The following DPP9 variants were observed in gnomAD, a reference collection of about 807,000 sequenced individuals.
DPP9 encodes the protein dipeptidyl peptidase 9, also known as dipeptidyl peptidase IV-related protein-2.
A neutral mutation model predicts 110.7 loss-of-function variants in DPP9; 50 were observed. That is an observed-to-expected ratio of 0.45 (90% CI 0.36 to 0.57). The LOEUF (loss-of-function observed/expected upper bound fraction) is 0.57, where lower values mean the gene tolerates loss of function less well. DPP9 is among the 20% of genes least tolerant of loss of function. DPP9 has a pLI of 0.00. For missense variants in DPP9, 1,022 were observed against 1,217.9 expected (o/e 0.84, Z 2.39); for synonymous variants, 561 against 514.4 (o/e 1.09, Z -1.23).
In DPP9 at chr19:4,675,572, T is replaced by C. The variant is rs2088756773; in HGVS notation, c.*992A>G. ...AGCGTGGAAGTTCGGTGCGTTTCAG[T>C]GCCTGCCTGAAAGCTTGGGGACAGG... On this transcript the variant is annotated 3_prime_UTR_variant, in exon 22 of 22. Transcript: ENST00000262960. 6.6e-6 allele frequency: 1 copy of C among 152,064 alleles called. No individual in the cohort carries two copies. Among genetic ancestry groups the C allele is most frequent in the Non-Finnish European group, 1.5e-5 (1 of 68,020 alleles). The allele number at this position is 152,064 out of a possible 1,614,324, so 9.4% of individuals were successfully genotyped here. A position where few individuals can be genotyped will look rare whatever the true frequency, so the allele number is the denominator to read the frequency against.
intron 4 of DPP9, among the ~76,000 whole-genome samples, chr19:4,708,948 C>G (rs1048143558): frequency 2.0e-5 from 3 of 152,186 alleles, no homozygotes; most frequent in African/African-American, 7.2e-5. Context: ...GAGAGAGTCT[C>G]GCACTGTCAC....
At position 4,676,897 on chromosome 19, in the gene DPP9, C is replaced by T. The variant is rs982237166; in HGVS notation, c.2587-241G>A. ...ATTTGGTAAGACAAAGTTTACAAAACGCCTTGCGGTGTGCACGCGCTTGCA... is the reference window on the plus strand; with the variant it reads ...ATTTGGTAAGACAAAGTTTACAAAATGCCTTGCGGTGTGCACGCGCTTGCA... On this transcript the variant is annotated intron_variant, in intron 21 of 21. Transcript: ENST00000262960. The surrounding 1 kb of genome is among the most constrained non-coding windows in gnomAD (Gnocchi z 4.0). 1.3e-5 allele frequency among the ~76,000 whole-genome samples: 2 copies of T among 152,210 alleles called. No homozygotes were observed. The highest frequency in any genetic ancestry group is 2.4e-5 in the African/African-American group (1 of 41,448).
Position 4,694,735 on chromosome 19 carries a change from C to T in DPP9, c.1442G>A (p.Cys481Tyr). 1 of 1,613,774 alleles carries T rather than the reference C, an allele frequency of 6.2e-7. No homozygotes were observed. Among genetic ancestry groups the T allele is most frequent in the Non-Finnish European group, 8.5e-7 (1 of 1,179,816 alleles). The change falls in exon 13 of 22, where the codon TGC becomes TAC. Residue 481 changes from cysteine (C) to tyrosine (Y), a missense_variant. By Grantham distance (194) the Cys-to-Tyr change is radical. Around this residue, in one of 3 missense-constraint regions of DPP9, gnomAD observed 810 missense variants for 920.6 expected, o/e 0.88. Transcript: ENST00000262960. This position sits in a 1 kb window ranked among gnomAD's most constrained non-coding sequence, Gnocchi z 4.0. The stretch of plus-strand genomic sequence containing the variant: ...AACGGCGGTGACTTTGTACAAATGG[C>T]AGAAGCCGGTCTTGCATTCATTGGC... The part of the protein sequence containing the change: ...LRANECKTGF[C>Y]HLYKVTAVLK...
rs2088753456 is a variant in DPP9, at chr19:4,675,547, A to T, written c.*1017T>A. On this transcript the variant is annotated 3_prime_UTR_variant, in exon 22 of 22. Coordinates refer to ENST00000262960, the MANE Select transcript of DPP9 (RefSeq NM_139159.5). ...GGGGACAGCCGCCACTGACCAGCAG[A>T]GCGTGGAAGTTCGGTGCGTTTCAGT... 6.6e-6 allele frequency: 1 copy of T among 152,042 alleles called. No homozygotes were observed. The highest frequency in any genetic ancestry group is 1.5e-5 in the Non-Finnish European group (1 of 68,030). 9.4% of individuals were successfully genotyped at this position (152,042 alleles called of 1,614,324 possible). A position where few individuals can be genotyped will look rare whatever the true frequency, so the allele number is the denominator to read the frequency against.
At position 4,684,334 on chromosome 19, in the gene DPP9, G is replaced by A. The variant is rs557147248; in HGVS notation, c.2178+329C>T. ...TGGACCTCCCAGCCTCCAGAACTGT[G>A]AGAGATTTTCGTTCTTTATAAATCC... On this transcript the variant is annotated intron_variant, in intron 18 of 21. Coordinates refer to ENST00000262960, the MANE Select transcript of DPP9 (RefSeq NM_139159.5). The surrounding 1 kb of genome is among the most constrained non-coding windows in gnomAD (Gnocchi z 4.8). 5.2e-5 allele frequency: 18 copies of A among 345,870 alleles called. No homozygotes were observed. Among genetic ancestry groups the A allele is most frequent in the Middle Eastern group, 9.7e-4 (1 of 1,034 alleles). 21.4% of individuals were successfully genotyped at this position (345,870 alleles called of 1,614,324 possible).
At position 4,683,554 on chromosome 19, in the gene DPP9, G is replaced by A. The variant is rs1199678192; in HGVS notation, c.2254C>T (p.Arg752Ter). ...TAGGACCAGCCATGGATGGCAACTC[G>A]GCTCAGGTCGATGAAGCCATACTTC... The part of the protein sequence containing the change: ...AEKYGFIDLS[R>*]VAIHGWSYGG... The change falls in exon 19 of 22, where the codon CGA becomes TGA. Residue 752 changes from arginine to a stop codon, truncating the protein, a stop_gained. Coordinates refer to ENST00000262960, the MANE Select transcript of DPP9 (RefSeq NM_139159.5). LOFTEE classifies it high-confidence loss of function. The A allele has an allele frequency of 1.9e-6, 3 of 1,613,454 alleles. No homozygotes were observed. Among genetic ancestry groups the A allele is most frequent in the South Asian group, 1.1e-5 (1 of 91,092 alleles).
chr19:4,722,063 A>C (rs766381586), intron 2 of DPP9: 65 of 165,024 alleles, frequency 3.9e-4, no homozygotes, highest in Non-Finnish European at 1.2e-4. Context: ...TACAGCTTTT[A>C]ACACAGTGTC....
At position 4,695,112 on chromosome 19, in the gene DPP9, C is replaced by T; in HGVS notation, c.1353+266G>A. 1 of 584,576 alleles carries T rather than the reference C, an allele frequency of 1.7e-6. No homozygotes were observed. Among genetic ancestry groups the T allele is most frequent in the South Asian group, 2.2e-5 (1 of 46,404 alleles). The allele number at this position is 584,576 out of a possible 1,614,324, so 36.2% of individuals were successfully genotyped here. A position where few individuals can be genotyped will look rare whatever the true frequency, so the allele number is the denominator to read the frequency against. On this transcript the variant is annotated intron_variant, in intron 12 of 21. Transcript: ENST00000262960. This position sits in a 1 kb window ranked among gnomAD's most constrained non-coding sequence, Gnocchi z 4.7. ...GCTGCAGTGAGCTATGACCACACCA[C>T]TGCACTCTAGTCTGGGCAACAGAGC...
chr19:4,714,213 C>A lies in DPP9; in HGVS notation c.181G>T (p.Asp61Tyr), dbSNP rs756811923. 6.2e-7 allele frequency: 1 copy of A among 1,605,130 alleles called. No individual in the cohort carries two copies. The highest frequency in any genetic ancestry group is 8.5e-7 in the Non-Finnish European group (1 of 1,176,334). ...CCGTGGATGATGCTCCGGAGCCCGT[C>A]CCACGAGTGCTTCTGCACCTGGAAG... ...ARFQVQKHSW[D>Y]GLRSIIHGSR... Residue 61 changes from aspartate to tyrosine, a missense_variant, in exon 4 of 22, where the codon GAC (aspartate) becomes TAC (tyrosine). Physicochemically the swap from Asp to Tyr is radical, Grantham distance 160. Around this residue, in one of 3 missense-constraint regions of DPP9, gnomAD observed 810 missense variants for 920.6 expected, o/e 0.88. Transcript: ENST00000262960.
Position 4,676,788 on chromosome 19 carries a change from T to C in DPP9, c.2587-132A>G. ...TGAGGCCCAGTGATCTGGGTTTGAA[T>C]CCCACCTCGGCTGTTGACTTGCAGT... On this transcript the variant is annotated intron_variant, in intron 21 of 21. Transcript: ENST00000262960. This position sits in a 1 kb window ranked among gnomAD's most constrained non-coding sequence, Gnocchi z 4.0. 1 of 712,682 alleles carries C rather than the reference T, an allele frequency of 1.4e-6. No homozygotes were observed. The highest frequency in any genetic ancestry group is 2.5e-6 in the Non-Finnish European group (1 of 407,980). 44.1% of individuals were successfully genotyped at this position (712,682 alleles called of 1,614,324 possible).
rs1489701812 is a variant in DPP9, at chr19:4,682,965, G to A, written c.2332-127C>T. ...CGTGAGGAGCGCTCATGCACATGGG[G>A]CCGGCAAGGAAGGGGCCCTCAGACC... is the stretch of plus-strand genomic sequence containing the variant. On this transcript the variant is annotated intron_variant, in intron 19 of 21. Coordinates refer to ENST00000262960, the MANE Select transcript of DPP9 (RefSeq NM_139159.5). This position sits in a 1 kb window ranked among gnomAD's most constrained non-coding sequence, Gnocchi z 7.1. The A allele has an allele frequency of 6.5e-7, 1 of 1,533,568 alleles. No homozygotes were observed. The highest frequency in any genetic ancestry group is 8.7e-7 in the Non-Finnish European group (1 of 1,145,984). The allele number at this position is 1,533,568 out of a possible 1,614,324, so 95.0% of individuals were successfully genotyped here. A position where few individuals can be genotyped will look rare whatever the true frequency, so the allele number is the denominator to read the frequency against.
At chr19:4,686,247 C>T (rs1359723307) in intron 16 of DPP9, among the ~76,000 whole-genome samples, 3 of 151,952 alleles carry the variant, frequency 2.0e-5, no homozygotes, top group Non-Finnish European at 4.4e-5. Context: ...CGGCACCACG[C>T]CCGGCTAATG....
intron 4 of DPP9, among the ~76,000 whole-genome samples, chr19:4,712,445 AG>A (rs1181241241): frequency 3.3e-5 from 5 of 151,978 alleles, no homozygotes; most frequent in Non-Finnish European, 1.5e-5. Flanking sequence ...AGCTACCTGG[AG>A]GGCTGAGGTT....
intron 2 of DPP9, among the ~76,000 whole-genome samples, chr19:4,720,179 G>A (rs1235586046): frequency 6.6e-6 from 1 of 152,178 alleles, no homozygotes; most frequent in Non-Finnish European, 1.5e-5. Context: ...TCCTTTCAAG[G>A]TGTAAAGTCC....
At chr19:4,679,796 C>T (rs759456186) in intron 21 of DPP9, 39 bp downstream of exon 21, 2 of 1,468,078 alleles carry the variant, frequency 1.4e-6, no homozygotes, top group South Asian at 1.2e-5. Context: ...AGGGATCTGT[C>T]GGCTCGCGGA....
At chr19:4,709,481 C>T (rs982432948) in intron 4 of DPP9, among the ~76,000 whole-genome samples, 2 of 152,122 alleles carry the variant, frequency 1.3e-5, no homozygotes, top group Non-Finnish European at 2.9e-5. Context: ...GCTGGAAACA[C>T]GACTCAATCT....
At position 4,703,909 on chromosome 19, in the gene DPP9, C is replaced by T. The variant is rs373451371; in HGVS notation, c.746G>A (p.Arg249Gln). 41 of 1,608,828 alleles carry T rather than the reference C, an allele frequency of 2.5e-5. No homozygotes were observed. Among genetic ancestry groups the T allele is most frequent in the African/African-American group, 2.1e-4 (16 of 74,836 alleles). Residue 249 changes from arginine (R) to glutamine (Q), a missense_variant, in exon 7 of 22, where the codon CGG (arginine) becomes CAG (glutamine). Physicochemically the swap from Arg to Gln is conservative, Grantham distance 43. This residue lies in a region of DPP9 where 810 missense variants were observed against 920.6 expected (regional missense o/e 0.88). Transcript: ENST00000262960. ...WVANIETGEE[R>Q]RLTFCHQGLS... ...ACCTTGGTGGCAGAAGGTCAGCCGCCGCTCCTCGCCTGTCTCGATGTTGGC... is the reference window on the plus strand; with the variant it reads ...ACCTTGGTGGCAGAAGGTCAGCCGCTGCTCCTCGCCTGTCTCGATGTTGGC...
chr19:4,712,435 A>G (rs746285132), intron 4 of DPP9, among the ~76,000 whole-genome samples: 9 of 152,132 alleles, frequency 5.9e-5, no homozygotes, highest in Non-Finnish European at 1.0e-4. Flanking sequence ...CTATAGTCCC[A>G]GCTACCTGGA....
Position 4,688,856 on chromosome 19 carries a change from T to G in DPP9, c.1786A>C (p.Ser596Arg). The G allele has an allele frequency of 6.6e-7, 1 of 1,518,028 alleles. No individual in the cohort carries two copies. The highest frequency in any genetic ancestry group is 8.7e-7 in the Non-Finnish European group (1 of 1,146,806). The allele number at this position is 1,518,028 out of a possible 1,614,324, so 94.0% of individuals were successfully genotyped here. A position where few individuals can be genotyped will look rare whatever the true frequency, so the allele number is the denominator to read the frequency against. ...TAGACGTGCACGCAGGGCGGCGTGC[T>G]CACGCTGCTGTAGTGGCTGACGAAC... Reference protein sequence around the residue: ...DMFVSHYSSVSTPPCVHVYKL... With the variant: ...DMFVSHYSSVRTPPCVHVYKL... The change falls in exon 16 of 22, where the codon AGC becomes CGC. Residue 596 changes from serine (S) to arginine (R), a missense_variant. This residue lies in a region of DPP9 where 810 missense variants were observed against 920.6 expected (regional missense o/e 0.88). Coordinates refer to ENST00000262960, the MANE Select transcript of DPP9 (RefSeq NM_139159.5).
Sources: allele counts gnomAD v4.1 joint callset (sites outside exome capture counted in the v4.1 genomes callset), GRCh38; gene constraint gnomAD v4.1.1; regional missense constraint gnomAD v4.1.1; non-coding constraint Gnocchi (gnomAD v3.1); transcripts MANE v1.5; gene names NCBI Gene and HGNC (gene_info 2026-07-23, HGNC 2026-07-21).